Variants in N4BP2L2 observed in about 807,000 individuals in gnomAD.
N4BP2L2 encodes the protein NEDD4 binding protein 2 like 2.
N4BP2L2 carries 50 observed loss-of-function variants against 56.2 expected under a neutral mutation model. The observed-to-expected ratio is 0.89, with a 90% CI of 0.71 to 1.13. The LOEUF (loss-of-function observed/expected upper bound fraction) is 1.13, where lower values mean the gene tolerates loss of function less well. Ranked by LOEUF, N4BP2L2 falls within the 50% of genes most tolerant of loss-of-function variation. The pLI is 0.00. For missense variants in N4BP2L2, 689 were observed against 693.8 expected, an observed-to-expected ratio of 0.99 and a Z score of 0.08; for synonymous variants, 203 against 223.6, an observed-to-expected ratio of 0.91 and a Z score of 0.82.
chr13:32,501,650 T>C (rs1435918861), intron 6 of N4BP2L2, among the ~76,000 whole-genome samples: 5 of 151,852 alleles, frequency 3.3e-5, no homozygotes, highest in African/African-American at 1.2e-4. Flanking sequence ...CCGTCTCTAC[T>C]AAAAATACAA....
chr13:32,471,563 G>A (rs985750831), intron 6 of N4BP2L2, among the ~76,000 whole-genome samples: 1 of 152,228 alleles, frequency 6.6e-6, no homozygotes, highest in African/African-American at 2.4e-5. Flanking sequence ...GCGGACAAGG[G>A]GGAGCCAAGG....
chr13:32,493,312 CTCTA>C (rs1210593954), intron 6 of N4BP2L2, among the ~76,000 whole-genome samples: 5 of 151,916 alleles, frequency 3.3e-5, no homozygotes, highest in East Asian at 1.9e-4. Context: ...GTTCTCATGC[CTCTA>C]TCTATTTGTG....
At chr13:32,479,239 A>G (rs2139098189) in intron 6 of N4BP2L2, among the ~76,000 whole-genome samples, 1 of 152,146 alleles carries the variant, frequency 6.6e-6, no homozygotes, top group East Asian at 1.9e-4. Flanking sequence ...CTAGTTATCA[A>G]TGTTTTCATA....
At chr13:32,447,716 C>A (rs942998272) in intron 6 of N4BP2L2, among the ~76,000 whole-genome samples, 1 of 152,114 alleles carries the variant, frequency 6.6e-6, no homozygotes, top group Non-Finnish European at 1.5e-5. Flanking sequence ...CTCTAATACT[C>A]CCCAAGAGTT....
At chr13:32,439,861 A>C (rs868618455) in intron 7 of N4BP2L2, among the ~76,000 whole-genome samples, 6,286 of 146,774 alleles carry the variant, frequency 0.043, 506 homozygotes, top group African/African-American at 0.16. Context: ...GAATCCAAAA[A>C]AAAAAAAAAA....
intron 6 of N4BP2L2, among the ~76,000 whole-genome samples, chr13:32,493,413 A>C (rs1337010396): frequency 6.6e-6 from 1 of 152,230 alleles, no homozygotes; most frequent in Non-Finnish European, 1.5e-5. Flanking sequence ...AAACCTATTT[A>C]CAGTACATTC....
chr13:32,466,720 G>A (rs1294396397), intron 6 of N4BP2L2, among the ~76,000 whole-genome samples: 1 of 152,000 alleles, frequency 6.6e-6, no homozygotes, highest in Non-Finnish European at 1.5e-5. Flanking sequence ...AAAAAGGAAG[G>A]GCCTGTGACT....
At chr13:32,502,379 T>C (rs1322734278) in intron 6 of N4BP2L2, among the ~76,000 whole-genome samples, 2 of 152,090 alleles carry the variant, frequency 1.3e-5, no homozygotes, top group Non-Finnish European at 2.9e-5. Context: ...TATTACAGCA[T>C]TGCTAACTAC....
chr13:32,511,376 A>G (rs1382888239), exon 6 of N4BP2L2: 1 of 152,226 alleles, frequency 6.6e-6, no homozygotes, highest in African/African-American at 2.4e-5. Flanking sequence ...CAACCATGAC[A>G]TAATAGTGAA....
intron 8 of N4BP2L2, among the ~76,000 whole-genome samples, chr13:32,437,055 G>A (rs1030133397): frequency 6.6e-6 from 1 of 151,656 alleles, no homozygotes; most frequent in Non-Finnish European, 1.5e-5. Context: ...TAATTTTTTT[G>A]TGTTTTTAGT....
At chr13:32,494,558 T>C (rs2088037346) in intron 6 of N4BP2L2, among the ~76,000 whole-genome samples, 1 of 151,836 alleles carries the variant, frequency 6.6e-6, no homozygotes, top group South Asian at 2.1e-4. Flanking sequence ...GGTCAGGAGA[T>C]CGAGACCATC....
intron 6 of N4BP2L2, among the ~76,000 whole-genome samples, chr13:32,473,508 T>A (rs973377551): frequency 2.0e-5 from 3 of 152,192 alleles, no homozygotes; most frequent in Non-Finnish European, 4.4e-5. Context: ...GTGTAACAAG[T>A]CACCACAAAT....
chr13:32,439,587 A>G (rs2075959398), intron 7 of N4BP2L2, among the ~76,000 whole-genome samples: 1 of 152,234 alleles, frequency 6.6e-6, no homozygotes, highest in Non-Finnish European at 1.5e-5. Context: ...ATACAATTTC[A>G]GAATATGGAC....
intron 6 of N4BP2L2, among the ~76,000 whole-genome samples, chr13:32,445,708 G>T (rs1207944): frequency 0.36 from 54,451 of 152,110 alleles, 11,071 homozygotes; most frequent in East Asian, 0.68. Context: ...TCAGGCATTT[G>T]GGCCTGAGGC....
chr13:32,433,571 T>G (rs1275595758), intron 9 of N4BP2L2, among the ~76,000 whole-genome samples: 5 of 151,592 alleles, frequency 3.3e-5, no homozygotes, highest in African/African-American at 1.2e-4. Context: ...AGGTGGAGGT[T>G]GCAGTGAGCC....
intron 2 of N4BP2L2, among the ~76,000 whole-genome samples, chr13:32,535,002 GA>G (rs754768088): frequency 7.2e-5 from 11 of 152,146 alleles, no homozygotes; most frequent in Non-Finnish European, 1.6e-4. Flanking sequence ...CACCAATTCA[GA>G]TATTACTCAC....
intron 6 of N4BP2L2, among the ~76,000 whole-genome samples, chr13:32,451,833 C>T (rs1337307088): frequency 6.6e-6 from 1 of 151,600 alleles, no homozygotes; most frequent in African/African-American, 2.4e-5. Context: ...CAGCCAAAAA[C>T]ACAAGTTATT....
At chr13:32,521,533 G>T (rs553537992) in intron 4 of N4BP2L2, 84 bp from the exon 5 acceptor site, 1 of 901,654 alleles carries the variant, frequency 1.1e-6, no homozygotes, top group South Asian at 1.5e-5. Flanking sequence ...ATTTCATTTC[G>T]ACAATACTAT....
chr13:32,477,174 C>T (rs1036310652), intron 6 of N4BP2L2: 10 of 519,832 alleles, frequency 1.9e-5, no homozygotes, highest in Admixed American at 4.7e-5. Context: ...GAGATCTACT[C>T]ATTTCTCCTT....
Sources: gnomAD v4.1 joint callset for allele counts (sites outside exome capture counted in the v4.1 genomes callset) on GRCh38, gnomAD v4.1.1 for gene constraint, MANE v1.5 for transcripts, NCBI Gene and HGNC (gene_info 2026-07-23, HGNC 2026-07-21) for gene names.